Variants in SEMA4A observed in about 807,000 individuals in gnomAD.
SEMA4A encodes semaphorin 4A, also known as semaphorin-4A.
SEMA4A carries 52 observed loss-of-function variants against 72.5 expected under a neutral mutation model. That is an observed-to-expected ratio of 0.72 (90% CI 0.57 to 0.90). SEMA4A has a LOEUF of 0.90. Ranked by LOEUF, SEMA4A falls within the 40% of genes least tolerant of loss-of-function variation. SEMA4A has a pLI of 0.00. For synonymous variants in SEMA4A, 369 were observed against 393.1 expected (o/e 0.94, Z 0.73); for missense variants, 926 against 959.7 (o/e 0.96, Z 0.46).
chr1:156,153,920 T>A (rs1047603861), intron 1 of SEMA4A, among the ~76,000 whole-genome samples, 156 bp downstream of exon 1: 4 of 152,090 alleles, frequency 2.6e-5, no homozygotes, highest in Non-Finnish European at 5.9e-5. Context: ...GAAATGCTGA[T>A]AACCAACCTG....
At chr1:156,154,739 G>C in intron 2 of SEMA4A, 22 bp downstream of exon 2, 1 of 1,571,360 alleles carries the variant, frequency 6.4e-7, no homozygotes, top group East Asian at 2.3e-5. Flanking sequence ...ACAGCAGGAA[G>C]TGTGGGGATA....
chr1:156,156,259 G>A, intron 2 of SEMA4A, 155 bp from the exon 3 acceptor site: 1 of 716,918 alleles, frequency 1.4e-6, no homozygotes, highest in Non-Finnish European at 2.5e-6. Flanking sequence ...GGGGTGGGGT[G>A]AAGGGAAGAA....
chr1:156,163,220 C>A, intron 10 of SEMA4A, 126 bp downstream of exon 10: 1 of 1,049,810 alleles, frequency 9.5e-7, no homozygotes, highest in Non-Finnish European at 1.4e-6. Flanking sequence ...CTCGCCTGCT[C>A]AGACGTACAC....
At chr1:156,164,024 C>T (rs1312820857) in intron 10 of SEMA4A, among the ~76,000 whole-genome samples, 5 of 137,282 alleles carry the variant, frequency 3.6e-5, no homozygotes, top group African/African-American at 1.4e-4. Flanking sequence ...GAGCAAGATG[C>T]TGTCTCTAAA....
chr1:156,169,443 T>G (rs1654495392), intron 10 of SEMA4A, among the ~76,000 whole-genome samples: 1 of 133,562 alleles, frequency 7.5e-6, no homozygotes, highest in Non-Finnish European at 1.6e-5. Flanking sequence ...TGAGACGGAG[T>G]CTTGCTCGCT....
rs528729863 is a variant in SEMA4A, at chr1:156,177,550, A to G, written c.*553A>G. 2 of 179,320 alleles carry G rather than the reference A, an allele frequency of 1.1e-5. No homozygotes were observed. The highest frequency in any genetic ancestry group is 2.7e-4 in the East Asian group (2 of 7,296). The allele number at this position is 179,320 out of a possible 1,614,324, so 11.1% of individuals were successfully genotyped here. A position where few individuals can be genotyped will look rare whatever the true frequency, so the allele number is the denominator to read the frequency against. ...AGGAAGTCTTTCCTGAAGTCTGACC[A>G]CCTTTCTTCTTGCTTCAGTTGGGGC... On this transcript the variant is annotated 3_prime_UTR_variant, in exon 15 of 15. Transcript: ENST00000368285.
chr1:156,161,170 G>T (rs1572399724), intron 8 of SEMA4A, 141 bp downstream of exon 8: 1 of 482,180 alleles, frequency 2.1e-6, no homozygotes, highest in Non-Finnish European at 3.4e-6. Context: ...TGGGGCGGGG[G>T]ACAGCGGGGC....
At chr1:156,156,604 CTGGGAG>C in intron 3 of SEMA4A, 30 bp downstream of exon 3, 1 of 1,612,596 alleles carries the variant, frequency 6.2e-7, no homozygotes, top group Non-Finnish European at 8.5e-7. Flanking sequence ...AGAGTGTGGG[CTGGGAG>C]TGAAGAGGGG....
Position 156,163,720 on chromosome 1 carries a change from CAAAAAAAAA to C in SEMA4A, c.1134+647_1134+655del, listed in dbSNP as rs34408918. 7.2e-3 allele frequency among the ~76,000 whole-genome samples: 128 copies of C among 17,770 alleles called. 1 individual carries two copies. The highest frequency in any genetic ancestry group is 0.024 in the African/African-American group (109 of 4,494). 11.7% of individuals were successfully genotyped at this position (17,770 alleles called of 152,430 possible). ...TGGGTGAAAGAGTGAGACTCAGTCTCAAAAAAAAAAAAAAAAAAAAAAAAAAAAATCAGA... is the reference window on the plus strand; with the variant it reads ...TGGGTGAAAGAGTGAGACTCAGTCTCAAAAAAAAAAAAAAAAAAAATCAGA... On this transcript the variant is annotated intron_variant, in intron 10 of 14. Transcript: ENST00000368285.
At chr1:156,154,957 G>T in intron 2 of SEMA4A, 1 of 567,916 alleles carries the variant, frequency 1.8e-6, no homozygotes, top group Non-Finnish European at 3.1e-6. Context: ...ACGGGGCCAG[G>T]GGCACGCTTC....
At chr1:156,176,370 C>G (rs750670114) in intron 14 of SEMA4A, 35 bp from the exon 15 acceptor site, 5 of 1,490,740 alleles carry the variant, frequency 3.4e-6, no homozygotes, top group South Asian at 1.1e-5. Context: ...CTTCACTTCT[C>G]CCTTAACCCT....
chr1:156,155,040 C>T (rs550906349), intron 2 of SEMA4A: 2 of 402,596 alleles, frequency 5.0e-6, no homozygotes, highest in South Asian at 2.6e-5. Flanking sequence ...GCACCTCAAA[C>T]TCCTAACTGC....
chr1:156,163,757 C>T (rs534273763), intron 10 of SEMA4A, among the ~76,000 whole-genome samples: 4 of 136,116 alleles, frequency 2.9e-5, no homozygotes, highest in African/African-American at 5.4e-5. Flanking sequence ...AAATCAGAGG[C>T]TGGGCATGGT....
In SEMA4A at chr1:156,154,640, T is replaced by C. The variant is rs1223729471; in HGVS notation, c.62T>C (p.Leu21Pro). 1 of 1,608,824 alleles carries C rather than the reference T, an allele frequency of 6.2e-7. No homozygotes were observed. Among genetic ancestry groups the C allele is most frequent in the African/African-American group, 1.3e-5 (1 of 74,900 alleles). ...WSLLGLFLFQ[L>P]LQLLLPTTTA... ...CTCCTGGGCCTTTTCCTCTTCCAAC[T>C]GCTTCAGCTGCTGCTGCCGACGACG... The change falls in exon 2 of 15, where the codon CTG (leucine) becomes CCG (proline). Residue 21 changes from leucine (L) to proline (P), a missense_variant. Coordinates refer to ENST00000368285, the MANE Select transcript of SEMA4A (RefSeq NM_022367.4).
chr1:156,174,509 G>T (rs962145753), intron 11 of SEMA4A, among the ~76,000 whole-genome samples: 3 of 152,174 alleles, frequency 2.0e-5, no homozygotes, highest in African/African-American at 7.2e-5. Flanking sequence ...TGTGAGGGAG[G>T]CAGGTGATGT....
chr1:156,159,940 G>A (rs1653420773), intron 6 of SEMA4A, among the ~76,000 whole-genome samples: 1 of 150,206 alleles, frequency 6.7e-6, no homozygotes, highest in Non-Finnish European at 1.5e-5. Flanking sequence ...AAAAAAAAAG[G>A]GAGAGAGAAA....
At chr1:156,172,088 GTTTGTTTGTTTA>G (rs1354573891) in intron 10 of SEMA4A, among the ~76,000 whole-genome samples, 5 of 118,762 alleles carry the variant, frequency 4.2e-5, no homozygotes, top group African/African-American at 1.4e-4. Flanking sequence ...CCGGCTGTTT[GTTTGTTTGTTTA>G]TTTATTTATT....
upstream of SEMA4A, among the ~76,000 whole-genome samples, chr1:156,148,428 G>A (rs193130878): frequency 6.6e-6 from 1 of 152,322 alleles, no homozygotes; most frequent in African/African-American, 2.4e-5. Context: ...GTCCACTTCC[G>A]ATTTCAGCAC....
At chr1:156,172,032 C>A (rs1462500460) in intron 10 of SEMA4A, among the ~76,000 whole-genome samples, 1 of 151,908 alleles carries the variant, frequency 6.6e-6, no homozygotes, top group Non-Finnish European at 1.5e-5. Context: ...GATCCGCCAG[C>A]CTCGGCCTCC....
Sources: gnomAD v4.1 joint callset for allele counts (sites outside exome capture counted in the v4.1 genomes callset) on GRCh38, gnomAD v4.1.1 for gene constraint, MANE v1.5 for transcripts, NCBI Gene and HGNC (gene_info 2026-07-23, HGNC 2026-07-21) for gene names.